TMEM132B: variants seen among roughly 807,000 people sequenced by gnomAD.
TMEM132B encodes transmembrane protein 132B.
Under a neutral mutation model 90.8 loss-of-function variants are expected in TMEM132B, and 18 were observed. That is an observed-to-expected ratio of 0.20 (90% CI 0.14 to 0.29). The LOEUF (loss-of-function observed/expected upper bound fraction) is 0.29. Ranked by LOEUF, TMEM132B falls within the 10% of genes least tolerant of loss-of-function variation. TMEM132B has a pLI of 1.00. For synonymous variants in TMEM132B, 504 were observed against 523.3 expected, an observed-to-expected ratio of 0.96 and a Z score of 0.50; for missense variants, 1,096 against 1,326.8, an observed-to-expected ratio of 0.83 and a Z score of 2.70.
At chr12:125,202,893 T>C (rs1213643645) in intron 1 of TMEM132B, among the ~76,000 whole-genome samples, 1 of 152,222 alleles carries the variant, frequency 6.6e-6, no homozygotes, top group African/African-American at 2.4e-5. Flanking sequence ...TGATATGAAC[T>C]TGATCATGAA....
chr12:125,201,922 C>T (rs562564381), intron 1 of TMEM132B, among the ~76,000 whole-genome samples: 4 of 152,314 alleles, frequency 2.6e-5, no homozygotes, highest in South Asian at 4.1e-4. Context: ...CACATTATTT[C>T]GTATTCAGAT....
intron 3 of TMEM132B, among the ~76,000 whole-genome samples, chr12:125,432,057 TG>T (rs11357078): frequency 0.3 from 46,168 of 151,722 alleles, 7,285 homozygotes; most frequent in African/African-American, 0.4. Flanking sequence ...ACATGGATCA[TG>T]GGGTGCTCTG....
intron 1 of TMEM132B, among the ~76,000 whole-genome samples, chr12:125,198,653 C>A (rs986519425): frequency 1.3e-5 from 2 of 152,196 alleles, no homozygotes; most frequent in Non-Finnish European, 2.9e-5. Flanking sequence ...GGAATTAGAA[C>A]CACGTTGCCA....
intron 3 of TMEM132B, among the ~76,000 whole-genome samples, chr12:125,509,765 A>C (rs113433723): frequency 0.012 from 1,804 of 152,278 alleles, 12 homozygotes; most frequent in Middle Eastern, 0.034. Context: ...CCCAGTTCCA[A>C]TCTGAGGTGA....
chr12:125,303,083 G>A (rs56004195), intron 1 of TMEM132B, among the ~76,000 whole-genome samples: 12,848 of 151,856 alleles, frequency 0.085, 619 homozygotes, highest in South Asian at 0.11. Flanking sequence ...GGGACAGAGC[G>A]AGACTCTGCA....
intron 1 of TMEM132B, among the ~76,000 whole-genome samples, chr12:125,318,248 G>A (rs4765247): frequency 6.6e-6 from 1 of 151,700 alleles, no homozygotes; most frequent in Non-Finnish European, 1.5e-5. Context: ...CTGGGGTCAG[G>A]AGGGAACTGT....
intron 1 of TMEM132B, among the ~76,000 whole-genome samples, chr12:125,343,106 C>G (rs1204590135): frequency 1.3e-5 from 2 of 152,106 alleles, no homozygotes; most frequent in East Asian, 3.9e-4. Context: ...TACAGCATCA[C>G]CCCACCACAG....
intron 1 of TMEM132B, among the ~76,000 whole-genome samples, chr12:125,269,530 G>A (rs2136117788): frequency 6.6e-6 from 1 of 152,294 alleles, no homozygotes; most frequent in South Asian, 2.1e-4. Flanking sequence ...CTTGTCAAGG[G>A]AGCTTGGGAG....
At chr12:125,484,821 T>C (rs567099433) in intron 3 of TMEM132B, among the ~76,000 whole-genome samples, 206 of 152,206 alleles carry the variant, frequency 1.4e-3, no homozygotes, top group Middle Eastern at 6.8e-3. Flanking sequence ...CCCAGGCTGA[T>C]CTCAAACTCT....
chr12:125,243,983 C>G (rs574020193), intron 1 of TMEM132B, among the ~76,000 whole-genome samples: 2 of 152,090 alleles, frequency 1.3e-5, no homozygotes, highest in African/African-American at 2.4e-5. Context: ...TTTGCCTATT[C>G]GGGACATTTC....
intron 4 of TMEM132B, among the ~76,000 whole-genome samples, chr12:125,560,154 G>A (rs146671859): frequency 6.4e-4 from 98 of 152,316 alleles, no homozygotes; most frequent in African/African-American, 2.2e-3. Flanking sequence ...GCAGTCATGT[G>A]CTGGAACGTG....
In TMEM132B at chr12:125,354,517, C is replaced by T. The variant is rs115609504; in HGVS notation, c.959+4174C>T. ...GCCCATTTCACTCAGATATGTCACC[C>T]ATCTGGCTCCTGAGGGTATTTGAAT... On this transcript the variant is annotated intron_variant, in intron 2 of 8. Transcript: ENST00000682704. Among the ~76,000 whole-genome samples, 542 of 152,330 alleles carry T rather than the reference C, an allele frequency of 3.6e-3. 1 individual carries two copies. Among genetic ancestry groups the T allele is most frequent in the African/African-American group, 0.013 (526 of 41,566 alleles).
rs955737304 is a variant in TMEM132B at position 125,658,081 on chromosome 12, C to T, written c.*3371C>T. 3.9e-5 allele frequency: 6 copies of T among 152,144 alleles called. No individual in the cohort carries two copies. Among genetic ancestry groups the T allele is most frequent in the African/African-American group, 1.2e-4 (5 of 41,432 alleles). 9.4% of individuals were successfully genotyped at this position (152,144 alleles called of 1,614,324 possible). A position where few individuals can be genotyped will look rare whatever the true frequency, so the allele number is the denominator to read the frequency against. ...CAAACCTCAGAATACTCCATGTGTCCCAAGAGAAGGAATAATTGTCTTTCT... is the reference window on the plus strand; with the variant it reads ...CAAACCTCAGAATACTCCATGTGTCTCAAGAGAAGGAATAATTGTCTTTCT... On this transcript the variant is annotated 3_prime_UTR_variant, in exon 9 of 9. Coordinates refer to ENST00000682704, the MANE Select transcript of TMEM132B (RefSeq NM_001366854.1).
At chr12:125,293,389 A>C (rs1025522404) in intron 1 of TMEM132B, among the ~76,000 whole-genome samples, 1 of 152,158 alleles carries the variant, frequency 6.6e-6, no homozygotes, top group Non-Finnish European at 1.5e-5. Flanking sequence ...AGTACGATTG[A>C]TCTTGTCACC....
rs577213534 is a variant in TMEM132B at position 125,211,150 on chromosome 12, A to G, written c.67+24284A>G. 5.9e-5 allele frequency among the ~76,000 whole-genome samples: 9 copies of G among 151,860 alleles called. No homozygotes were observed. The South Asian group carries it at 1.9e-3, about 32-fold the overall frequency. On this transcript the variant is annotated intron_variant, in intron 1 of 8. Coordinates refer to ENST00000682704, the MANE Select transcript of TMEM132B (RefSeq NM_001366854.1). ...ATGAAAGAAAGAGGGGAGTCCAGGG[A>G]TATCTGTGAGGTTTTGGCTTAAGCC...
chr12:125,338,320 C>T (rs1014195808), intron 1 of TMEM132B, among the ~76,000 whole-genome samples: 9 of 152,198 alleles, frequency 5.9e-5, no homozygotes, highest in Non-Finnish European at 1.2e-4. Context: ...GTGTCCTCAG[C>T]GTGTACCTTT....
intron 4 of TMEM132B, among the ~76,000 whole-genome samples, chr12:125,541,030 T>C (rs1883940961): frequency 2.0e-5 from 3 of 152,222 alleles, no homozygotes; most frequent in Admixed American, 2.0e-4. Context: ...TGCCTGGCCT[T>C]CTCTTCCTCC....
At chr12:125,544,977 C>T (rs1884051757) in intron 4 of TMEM132B, among the ~76,000 whole-genome samples, 1 of 152,168 alleles carries the variant, frequency 6.6e-6, no homozygotes, top group Non-Finnish European at 1.5e-5. Context: ...ATTGATTACT[C>T]CTATGGGTCA....
At chr12:125,495,748 TA>T (rs1882544932) in intron 3 of TMEM132B, among the ~76,000 whole-genome samples, 1 of 152,174 alleles carries the variant, frequency 6.6e-6, no homozygotes, top group Non-Finnish European at 1.5e-5. Context: ...TTCATGGCAC[TA>T]AACCCCTGCT....
Sources: allele counts gnomAD v4.1 joint callset (sites outside exome capture counted in the v4.1 genomes callset), GRCh38; gene constraint gnomAD v4.1.1; transcripts MANE v1.5; gene names NCBI Gene and HGNC (gene_info 2026-07-23, HGNC 2026-07-21).